Variants in DOP1B observed in about 807,000 individuals in gnomAD.
DOP1B encodes the protein DOP1 leucine zipper like protein B, also known as protein DOP1B.
Under a neutral mutation model 233.5 loss-of-function variants are expected in DOP1B, and 174 were observed. The ratio of observed to expected loss-of-function variants is 0.75; its 90% CI spans 0.66 to 0.85. The LOEUF (loss-of-function observed/expected upper bound fraction) is 0.85, where lower values mean the gene tolerates loss of function less well. DOP1B is among the 40% of genes least tolerant of loss of function. DOP1B has a pLI of 0.00. For missense variants in DOP1B, 2,652 were observed against 2,846.6 expected (o/e 0.93, Z 1.56); for synonymous variants, 1,190 against 1,185.6 (o/e 1.00, Z -0.08).
At chr21:36,231,768 C>A (rs2066768259) in intron 14 of DOP1B, among the ~76,000 whole-genome samples, 1 of 150,992 alleles carries the variant, frequency 6.6e-6, no homozygotes, top group Non-Finnish European at 1.5e-5. Context: ...ACCTCCGCCT[C>A]CTGGGTTCAA....
intron 1 of DOP1B, among the ~76,000 whole-genome samples, chr21:36,164,243 A>C (rs761667331): frequency 1.3e-5 from 2 of 152,164 alleles, no homozygotes; most frequent in African/African-American, 2.4e-5. Context: ...GGATCACTTG[A>C]GCTTAGGAGG....
intron 26 of DOP1B, among the ~76,000 whole-genome samples, chr21:36,264,229 T>C (rs1428761405): frequency 6.6e-6 from 1 of 152,136 alleles, no homozygotes; most frequent in African/African-American, 2.4e-5. Flanking sequence ...GAGACCAATC[T>C]GGGTAACATA....
At chr21:36,187,598 ATTTATTTTATTT>A (rs781315776) in intron 2 of DOP1B, among the ~76,000 whole-genome samples, 19 of 144,766 alleles carry the variant, frequency 1.3e-4, no homozygotes, top group Non-Finnish European at 2.4e-4. Flanking sequence ...TGCCCAGCCT[ATTTATTTTATTT>A]TTTATTTTAT....
intron 2 of DOP1B, among the ~76,000 whole-genome samples, chr21:36,168,794 A>G (rs1360564377): frequency 6.6e-6 from 1 of 151,840 alleles, no homozygotes; most frequent in African/African-American, 2.4e-5. Context: ...CAACCTCCCA[A>G]AGTGCTGGGA....
chr21:36,255,053 G>A (rs983567874), intron 23 of DOP1B, among the ~76,000 whole-genome samples: 2 of 150,098 alleles, frequency 1.3e-5, no homozygotes, highest in African/African-American at 4.9e-5. Context: ...GGGCTCAAGT[G>A]ATTCTTGTGC....
rs374037686 is a variant in DOP1B, at chr21:36,293,271, G to A, written c.6646-49G>A. ...CATGCATGTGCTTCCCAGCCATCTC[G>A]AGCCCTCAGTAAAACCATATCATTG... On this transcript the variant is annotated intron_variant, in intron 36 of 36. Coordinates refer to ENST00000691173, the MANE Select transcript of DOP1B (RefSeq NM_001320714.2). 391 of 1,583,848 alleles carry A rather than the reference G, an allele frequency of 2.5e-4. 1 individual carries two copies. The highest frequency in any genetic ancestry group is 3.1e-4 in the Non-Finnish European group (360 of 1,164,460).
intron 12 of DOP1B, 28 bp downstream of exon 12, chr21:36,225,695 C>T (rs372484886): frequency 4.2e-5 from 67 of 1,608,356 alleles, no homozygotes; most frequent in African/African-American, 2.8e-4. Flanking sequence ...GACATCTCAA[C>T]GCCTGCTATT....
intron 9 of DOP1B, among the ~76,000 whole-genome samples, chr21:36,216,947 C>T (rs992407521): frequency 2.6e-5 from 4 of 152,022 alleles, no homozygotes; most frequent in Non-Finnish European, 5.9e-5. Flanking sequence ...TGGTTGTGCA[C>T]ACTTGTAATC....
intron 1 of DOP1B, among the ~76,000 whole-genome samples, chr21:36,161,881 G>C (rs551244997): frequency 2.2e-4 from 34 of 152,156 alleles, no homozygotes; most frequent in Admixed American, 2.0e-4. Flanking sequence ...TGTGTCTGGC[G>C]TCTTCCACTA....
At chr21:36,269,985 C>T in intron 26 of DOP1B, 28 bp from the exon 27 acceptor site, 1 of 1,612,628 alleles carries the variant, frequency 6.2e-7, no homozygotes, top group Non-Finnish European at 8.5e-7. Context: ...AATTAACTTC[C>T]TTTCCCCCTC....
Position 36,211,636 on chromosome 21 carries a change from AT to A in DOP1B, c.769del (p.Tyr257IlefsTer30). ...TGGAAATCGTTCTGTTTTTCTTCCC[AT>A]TTTATACCTGTCTGGTAAGTAATTT... ...NLEIVLFFFP[F>X]YTCLDSNERA... On this transcript the variant is annotated frameshift_variant, in exon 6 of 37. Coordinates refer to ENST00000691173, the MANE Select transcript of DOP1B (RefSeq NM_001320714.2). LOFTEE classifies it high-confidence loss of function. 2 of 1,613,948 alleles carry A rather than the reference AT, an allele frequency of 1.2e-6. No individual in the cohort carries two copies. Among genetic ancestry groups the A allele is most frequent in the Non-Finnish European group, 1.7e-6 (2 of 1,179,972 alleles).
Position 36,199,299 on chromosome 21 carries a change from G to A in DOP1B, c.320+48G>A, listed in dbSNP as rs576687415. 4.5e-6 allele frequency: 7 copies of A among 1,566,742 alleles called. No homozygotes were observed. In the African/African-American group the frequency reaches 6.8e-5, roughly 15 times the overall value. ...TTCCTTTTTATTACCCAAGTAACCG[G>A]TATTTCAGCTCACAAGATGAGAAAA... On this transcript the variant is annotated intron_variant, in intron 3 of 36. Coordinates refer to ENST00000691173, the MANE Select transcript of DOP1B (RefSeq NM_001320714.2).
intron 2 of DOP1B, among the ~76,000 whole-genome samples, chr21:36,187,195 C>A: frequency 6.7e-6 from 1 of 149,968 alleles, no homozygotes. Context: ...CCTGCCCCTC[C>A]CCTCCCCTCC....
intron 2 of DOP1B, among the ~76,000 whole-genome samples, chr21:36,189,055 T>C (rs1200114754): frequency 2.6e-5 from 4 of 152,164 alleles, no homozygotes; most frequent in African/African-American, 9.7e-5. Flanking sequence ...CCTTTTGGAA[T>C]TTTTCATCGT....
intron 2 of DOP1B, among the ~76,000 whole-genome samples, chr21:36,171,159 G>A (rs1242650592): frequency 1.3e-5 from 2 of 152,218 alleles, no homozygotes; most frequent in Admixed American, 1.3e-4. Context: ...GACCAGCCTG[G>A]TTCCAAGGCC....
At chr21:36,281,661 A>G in intron 32 of DOP1B, 50 bp downstream of exon 32, 1 of 1,411,954 alleles carries the variant, frequency 7.1e-7, no homozygotes, top group Non-Finnish European at 9.5e-7. Context: ...AGAATACCTG[A>G]GACTGGGGAA....
chr21:36,263,934 A>C (rs1482833656), intron 26 of DOP1B, 120 bp downstream of exon 26: 1 of 1,037,278 alleles, frequency 9.6e-7, no homozygotes, highest in Non-Finnish European at 1.5e-6. Context: ...TTAGCTTTGC[A>C]CTTGTTCTCA....
At chr21:36,293,074 C>T (rs1209961269) in intron 36 of DOP1B, among the ~76,000 whole-genome samples, 1 of 151,938 alleles carries the variant, frequency 6.6e-6, no homozygotes, top group Non-Finnish European at 1.5e-5. Context: ...GTCATGGTGA[C>T]CGGTACCTGT....
At chr21:36,260,830 G>A (rs956854026) in intron 24 of DOP1B, 98 bp downstream of exon 24, 1 of 1,569,820 alleles carries the variant, frequency 6.4e-7, no homozygotes, top group African/African-American at 1.4e-5. Context: ...TAGACTACTA[G>A]AGAGCCATTG....
Sources: allele counts gnomAD v4.1 joint callset (sites outside exome capture counted in the v4.1 genomes callset), GRCh38; gene constraint gnomAD v4.1.1; transcripts MANE v1.5; gene names NCBI Gene and HGNC (gene_info 2026-07-23, HGNC 2026-07-21).